The following HSD17B12 variants were observed in gnomAD, a reference collection of about 807,000 sequenced individuals.
The protein encoded by HSD17B12 is hydroxysteroid 17-beta dehydrogenase 12.
Under a neutral mutation model 39.3 loss-of-function variants are expected in HSD17B12, and 32 were observed. The observed-to-expected ratio is 0.81, with a 90% confidence interval of 0.61 to 1.09. The LOEUF (loss-of-function observed/expected upper bound fraction) is 1.09. Ranked by LOEUF, HSD17B12 falls within the 50% of genes least tolerant of loss-of-function variation. The pLI is 0.00. For missense variants in HSD17B12, 342 were observed against 382.9 expected (o/e 0.89, Z 0.89); for synonymous variants, 150 against 146.7 (o/e 1.02, Z -0.16).
At chr11:43,837,934 G>C (rs1262464441) in intron 7 of HSD17B12, 1 of 184,238 alleles carries the variant, frequency 5.4e-6, no homozygotes, top group Non-Finnish European at 1.1e-5. Flanking sequence ...CTACAGTAAA[G>C]TAGTATGTGA....
chr11:43,721,171 T>C (rs1489704359), intron 1 of HSD17B12, among the ~76,000 whole-genome samples: 2 of 151,676 alleles, frequency 1.3e-5, no homozygotes, highest in African/African-American at 4.8e-5. Flanking sequence ...TAATTGCACA[T>C]GGAAGTGGAA....
intron 4 of HSD17B12, among the ~76,000 whole-genome samples, chr11:43,802,126 C>A (rs987702289): frequency 6.6e-6 from 1 of 152,012 alleles, no homozygotes; most frequent in Non-Finnish European, 1.5e-5. Context: ...GCTGGGACTA[C>A]AGGTGGCTGC....
At chr11:43,718,816 G>A (rs1950149978) in intron 1 of HSD17B12, 1 of 903,810 alleles carries the variant, frequency 1.1e-6, no homozygotes, top group South Asian at 1.3e-5. Context: ...CCGCCTTCTG[G>A]TGGCCCAAGA....
At chr11:43,613,400 AAAC>A in the HSD17B12 span, among the ~76,000 whole-genome samples, 1 of 151,674 alleles carries the variant, frequency 6.6e-6, no homozygotes, top group Non-Finnish European at 1.5e-5. Context: ...TCAAAAAAAA[AAAC>A]AACAAAACAA....
the HSD17B12 span, among the ~76,000 whole-genome samples, chr11:43,566,529 C>G: frequency 0.011 from 1,648 of 150,508 alleles, 30 homozygotes; most frequent in East Asian, 0.1. Flanking sequence ...AACTGTGACC[C>G]AGAACTTTTT....
intron 3 of HSD17B12, among the ~76,000 whole-genome samples, chr11:43,771,493 G>A (rs1369499035): frequency 5.0e-5 from 6 of 119,058 alleles, no homozygotes; most frequent in Non-Finnish European, 1.6e-5. Context: ...TTGAGACAGA[G>A]TATCGCTCTG....
chr11:43,650,262 G>GAAAAC, the HSD17B12 span, among the ~76,000 whole-genome samples: 6 of 151,964 alleles, frequency 3.9e-5, no homozygotes, highest in African/African-American at 9.7e-5. Context: ...TTTTTCAAAT[G>GAAAAC]AAAACAAAAC....
chr11:43,632,013 G>A, the HSD17B12 span, among the ~76,000 whole-genome samples: 8 of 152,252 alleles, frequency 5.3e-5, no homozygotes, highest in East Asian at 1.5e-3. Context: ...GAGTGAGGGA[G>A]GGGGAGGAGG....
chr11:43,696,036 C>T (rs1380042443), intron 1 of HSD17B12, among the ~76,000 whole-genome samples: 1 of 152,132 alleles, frequency 6.6e-6, no homozygotes, highest in Non-Finnish European at 1.5e-5. Flanking sequence ...TGTTGTTTCC[C>T]TCTATGTGTC....
chr11:43,584,310 C>A, the HSD17B12 span, among the ~76,000 whole-genome samples: 1 of 152,200 alleles, frequency 6.6e-6, no homozygotes, highest in African/African-American at 2.4e-5. Context: ...GCTATGATCT[C>A]AGACCAGGGC....
intron 3 of HSD17B12, among the ~76,000 whole-genome samples, chr11:43,756,698 T>C (rs945378310): frequency 6.6e-6 from 1 of 152,236 alleles, no homozygotes; most frequent in Non-Finnish European, 1.5e-5. Flanking sequence ...ATCTACCGTC[T>C]ACTCGATACA....
the HSD17B12 span, among the ~76,000 whole-genome samples, chr11:43,623,839 C>T: frequency 6.6e-6 from 1 of 151,902 alleles, no homozygotes; most frequent in African/African-American, 2.4e-5. Flanking sequence ...TAAAATGTCA[C>T]AAGATTTCTG....
the HSD17B12 span, among the ~76,000 whole-genome samples, chr11:43,565,816 T>C: frequency 3.9e-5 from 6 of 152,194 alleles, no homozygotes; most frequent in African/African-American, 1.4e-4. Flanking sequence ...TAGAAGTAAT[T>C]TTTTCCTCCT....
At chr11:43,761,497 G>T (rs1366229401) in intron 3 of HSD17B12, among the ~76,000 whole-genome samples, 1 of 151,518 alleles carries the variant, frequency 6.6e-6, no homozygotes, top group Non-Finnish European at 1.5e-5. Flanking sequence ...TGTGGTAAAG[G>T]AACAACCATT....
At chr11:43,635,806 C>T in the HSD17B12 span, among the ~76,000 whole-genome samples, 3 of 119,022 alleles carry the variant, frequency 2.5e-5, no homozygotes, top group Non-Finnish European at 3.4e-5. Flanking sequence ...CTTCTTTTGT[C>T]TTCTGAATAG....
chr11:43,765,898 A>G (rs914103152), intron 3 of HSD17B12, among the ~76,000 whole-genome samples: 3 of 151,968 alleles, frequency 2.0e-5, no homozygotes, highest in Non-Finnish European at 2.9e-5. Flanking sequence ...CAGTGGCACT[A>G]TCTCGGCTCA....
intron 6 of HSD17B12, among the ~76,000 whole-genome samples, chr11:43,818,556 A>G (rs933558042): frequency 6.6e-6 from 1 of 152,248 alleles, no homozygotes; most frequent in Non-Finnish European, 1.5e-5. Context: ...ACATACTCAT[A>G]GAAAGCCAAA....
chr11:43,728,959 A>G (rs1257910441), intron 1 of HSD17B12, among the ~76,000 whole-genome samples: 1 of 152,180 alleles, frequency 6.6e-6, no homozygotes, highest in Non-Finnish European at 1.5e-5. Flanking sequence ...AGTATGCACC[A>G]TAATTATATA....
At chr11:43,816,624 T>G (rs1437105659) in intron 6 of HSD17B12, among the ~76,000 whole-genome samples, 1 of 152,024 alleles carries the variant, frequency 6.6e-6, no homozygotes, top group East Asian at 1.9e-4. Context: ...ATTATTTAAT[T>G]TTTTATTTCC....
Sources: allele counts gnomAD v4.1 joint callset (sites outside exome capture counted in the v4.1 genomes callset), GRCh38; gene constraint gnomAD v4.1.1; transcripts MANE v1.5; gene names NCBI Gene and HGNC (gene_info 2026-07-23, HGNC 2026-07-21).